The following DAAM2 variants were observed in gnomAD, a reference collection of about 807,000 sequenced individuals.
The protein encoded by DAAM2 is dishevelled associated activator of morphogenesis 2.
DAAM2 carries 39 observed loss-of-function variants against 120.7 expected under a neutral mutation model. That is an observed-to-expected ratio of 0.32 (90% CI 0.25 to 0.42). The LOEUF is 0.42. Among genes scored for constraint, DAAM2 ranks in the 10% least tolerant of loss-of-function variants. The pLI is 1.00. For synonymous variants in DAAM2, 488 were observed against 524.9 expected (o/e 0.93, Z 0.96); for missense variants, 1,283 against 1,401.7 (o/e 0.92, Z 1.35).
intron 1 of DAAM2, among the ~76,000 whole-genome samples, chr6:39,851,881 G>A (rs1359737094): frequency 1.3e-5 from 2 of 152,328 alleles, no homozygotes; most frequent in South Asian, 2.1e-4. Context: ...CTGAACTCCC[G>A]CTGGTGAGTG....
intron 1 of DAAM2, among the ~76,000 whole-genome samples, chr6:39,842,504 A>G (rs543551583): frequency 1.3e-5 from 2 of 152,032 alleles, no homozygotes; most frequent in Admixed American, 1.3e-4. Flanking sequence ...GTGGTGGTGC[A>G]TGCCTGTAAA....
At position 39,856,388 on chromosome 6, in the gene DAAM2, A is replaced by G. The variant is rs34924764; in HGVS notation, c.86A>G (p.Asp29Gly). ...GACATCCCCGAAATCAACCTCCGGG[A>G]CAACCACCCTCTGCAGTTCATGGAG... ...GSDIPEINLR[D>G]NHPLQFMEFS... Residue 29 changes from aspartate (D) to glycine (G), a missense_variant, in exon 2 of 25, where the codon GAC becomes GGC. This residue lies in a region of DAAM2 where 197 missense variants were observed against 189.3 expected (regional missense o/e 1.04). Transcript: ENST00000274867. 134 of 1,553,282 alleles carry G rather than the reference A, an allele frequency of 8.6e-5. 1 individual carries two copies. In the Middle Eastern group the frequency reaches 1.5e-3, roughly 18 times the overall value.
chr6:39,886,228 C>T (rs1428044786), intron 15 of DAAM2: 1 of 394,080 alleles, frequency 2.5e-6, no homozygotes. Context: ...TCCGTGAGTG[C>T]ATGTCTGCTA....
At chr6:39,848,023 T>C (rs1763663373) in intron 1 of DAAM2, among the ~76,000 whole-genome samples, 1 of 152,150 alleles carries the variant, frequency 6.6e-6, no homozygotes, top group African/African-American at 2.4e-5. Flanking sequence ...AGCTTCTCAT[T>C]CATCTGGGCT....
At chr6:39,806,831 T>G (rs567911774) in intron 1 of DAAM2, among the ~76,000 whole-genome samples, 2 of 115,464 alleles carry the variant, frequency 1.7e-5, no homozygotes, top group African/African-American at 3.1e-5. Context: ...TTTATACTCA[T>G]CAGATTGGCA....
rs77214991 is a variant in DAAM2, at chr6:39,891,865, C to G, written c.2341+143C>G. ...AAAAACAAAAAGTCAAAGACAAAAT[C>G]TAAAATGATGATTATTATAAAAATA... On this transcript the variant is annotated intron_variant, in intron 19 of 24. Transcript: ENST00000274867. The G allele has an allele frequency of 0.015, 9,805 of 656,528 alleles. 152 individuals are homozygous for G. Among genetic ancestry groups the G allele is most frequent in the East Asian group, 0.055 (1,997 of 36,070 alleles). The allele number at this position is 656,528 out of a possible 1,614,324, so 40.7% of individuals were successfully genotyped here.
At position 39,834,232 on chromosome 6, in the gene DAAM2, T is replaced by G. The variant is rs114613696; in HGVS notation, c.-56-22015T>G. On this transcript the variant is annotated intron_variant, in intron 1 of 24. Transcript: ENST00000274867. ...TAAGAGCATACCTCTTATATTGTCA[T>G]AGGATATCTCATTTCAGATTTAGAG... 7.8e-3 allele frequency among the ~76,000 whole-genome samples: 1,182 copies of G among 152,336 alleles called. 18 individuals carry two copies. The highest frequency in any genetic ancestry group is 0.026 in the African/African-American group (1,081 of 41,574).
Position 39,878,009 on chromosome 6 carries a change from C to T in DAAM2, c.1302-194C>T, listed in dbSNP as rs952772367. 2.6e-5 allele frequency among the ~76,000 whole-genome samples: 4 copies of T among 152,178 alleles called. No homozygotes were observed. The highest frequency in any genetic ancestry group is 7.2e-5 in the African/African-American group (3 of 41,448). On this transcript the variant is annotated intron_variant, in intron 11 of 24. Transcript: ENST00000274867. The surrounding 1 kb of genome is among the most constrained non-coding windows in gnomAD (Gnocchi z 5.0). ...CTAAAGGTCTTTTCTCTCACGGTCT[C>T]CACAGACACATAATGTGAACGGGGC...
chr6:39,898,651 TCTATAGAATG>T (rs1766275366), intron 21 of DAAM2, among the ~76,000 whole-genome samples: 1 of 152,144 alleles, frequency 6.6e-6, no homozygotes, highest in Non-Finnish European at 1.5e-5. Context: ...CCTGGAAAGA[TCTATAGAATG>T]CAGGCTTCAC....
intron 9 of DAAM2, among the ~76,000 whole-genome samples, chr6:39,872,873 C>G (rs1764717502): frequency 1.3e-5 from 2 of 152,088 alleles, no homozygotes; most frequent in Non-Finnish European, 2.9e-5. Context: ...TGATTTTGCT[C>G]TCCTCTCCCC....
rs1191585963 is a variant in DAAM2, at chr6:39,904,853, C to T, written c.*2816C>T. The T allele has an allele frequency of 2.2e-6, 1 of 454,102 alleles. No homozygotes were observed. Among genetic ancestry groups the T allele is most frequent in the African/African-American group, 2.0e-5 (1 of 50,120 alleles). The allele number at this position is 454,102 out of a possible 1,614,324, so 28.1% of individuals were successfully genotyped here. A position where few individuals can be genotyped will look rare whatever the true frequency, so the allele number is the denominator to read the frequency against. ...TTGTAATACTAAAAAATATTAAATT[C>T]ATACCATCCCTACCCAGTCTGCCTT... On this transcript the variant is annotated 3_prime_UTR_variant, in exon 25 of 25. Coordinates refer to ENST00000274867, the MANE Select transcript of DAAM2 (RefSeq NM_001201427.2).
At chr6:39,811,719 G>A (rs1170513632) in intron 1 of DAAM2, among the ~76,000 whole-genome samples, 1 of 152,138 alleles carries the variant, frequency 6.6e-6, no homozygotes. Context: ...GAACACCCTG[G>A]GGGCCATGGT....
At chr6:39,835,895 G>T (rs991572673) in intron 1 of DAAM2, among the ~76,000 whole-genome samples, 2 of 152,096 alleles carry the variant, frequency 1.3e-5, no homozygotes, top group African/African-American at 4.8e-5. Context: ...CCCAGAGAGG[G>T]CTTCCCCCTT....
chr6:39,840,175 G>A (rs1482938464), intron 1 of DAAM2, among the ~76,000 whole-genome samples: 2 of 152,064 alleles, frequency 1.3e-5, no homozygotes, highest in Non-Finnish European at 2.9e-5. Context: ...TGCAGTGAGC[G>A]AAGATCGCAC....
At chr6:39,867,026 G>A (rs1764459390) in intron 5 of DAAM2, among the ~76,000 whole-genome samples, 1 of 152,232 alleles carries the variant, frequency 6.6e-6, no homozygotes, top group Non-Finnish European at 1.5e-5. Context: ...AACTAAATGG[G>A]TTTTAATGTT....
At chr6:39,875,947 A>AATTTTTAC (rs1286015403) in intron 11 of DAAM2, among the ~76,000 whole-genome samples, 1 of 152,216 alleles carries the variant, frequency 6.6e-6, no homozygotes, top group African/African-American at 2.4e-5. Context: ...ATGAACTAAT[A>AATTTTTAC]ATTTTTACAT....
At chr6:39,815,905 G>A (rs1366838610) in intron 1 of DAAM2, among the ~76,000 whole-genome samples, 1 of 152,290 alleles carries the variant, frequency 6.6e-6, no homozygotes, top group South Asian at 2.1e-4. Flanking sequence ...TAATTCAGCT[G>A]TCTTTACTCT....
intron 6 of DAAM2, 178 bp from the exon 7 acceptor site, chr6:39,868,645 A>G: frequency 1.7e-6 from 1 of 590,752 alleles, no homozygotes; most frequent in Non-Finnish European, 3.1e-6. Flanking sequence ...GAGGCAAGGG[A>G]ATTTTCCAGG....
chr6:39,839,323 C>T (rs919485207), intron 1 of DAAM2, among the ~76,000 whole-genome samples: 1 of 152,168 alleles, frequency 6.6e-6, no homozygotes, highest in Non-Finnish European at 1.5e-5. Context: ...TAGGTCTTCC[C>T]CCCAGATCTG....
Sources: allele counts gnomAD v4.1 joint callset (sites outside exome capture counted in the v4.1 genomes callset), GRCh38; gene constraint gnomAD v4.1.1; regional missense constraint gnomAD v4.1.1; non-coding constraint Gnocchi (gnomAD v3.1); transcripts MANE v1.5; gene names NCBI Gene and HGNC (gene_info 2026-07-23, HGNC 2026-07-21).